Variants in RGS12 observed in about 807,000 individuals in gnomAD.
RGS12 encodes regulator of G-protein signaling 12.
RGS12 carries 66 observed loss-of-function variants against 120.1 expected under a neutral mutation model. The ratio of observed to expected loss-of-function variants is 0.55; its 90% CI spans 0.45 to 0.67. The LOEUF (loss-of-function observed/expected upper bound fraction) is 0.67, where lower values mean the gene tolerates loss of function less well. Ranked by LOEUF, RGS12 falls within the 30% of genes least tolerant of loss-of-function variation. The pLI is 0.00. For synonymous variants in RGS12, 827 were observed against 804.7 expected, an observed-to-expected ratio of 1.03 and a Z score of -0.47; for missense variants, 1,859 against 1,957.7, an observed-to-expected ratio of 0.95 and a Z score of 0.95.
intron 1 of RGS12, 103 bp from the exon 2 acceptor site, chr4:3,315,967 G>C (rs550925062): frequency 1.3e-3 from 598 of 473,400 alleles, no homozygotes; most frequent in Admixed American, 2.2e-3. Context: ...CTCTTTCTGT[G>C]GTGGTTTTTA....
At position 3,356,507 on chromosome 4, in the gene RGS12, T is replaced by C. The variant is rs1239811062; in HGVS notation, c.1998+13454T>C. Among the ~76,000 whole-genome samples the C allele has an allele frequency of 2.6e-5, 4 of 152,294 alleles. No homozygotes were observed. In the East Asian group the frequency reaches 7.7e-4, roughly 29 times the overall value. ...GAAGTTGTTTCATCTTGTTAAACTC[T>C]ATACCCCTTAAACACTAATTCCCCA... On this transcript the variant is annotated intron_variant, in intron 3 of 17. Transcript: ENST00000336727.
chr4:3,294,444 A>T (rs1373071742), intron 1 of RGS12, among the ~76,000 whole-genome samples: 1 of 151,722 alleles, frequency 6.6e-6, no homozygotes, highest in East Asian at 1.9e-4. Flanking sequence ...TTTATATTTC[A>T]CTTTAGAAAG....
chr4:3,411,742 C>A (rs1721755285), intron 4 of RGS12, among the ~76,000 whole-genome samples: 1 of 152,286 alleles, frequency 6.6e-6, no homozygotes, highest in Admixed American at 6.5e-5. Context: ...ACCTGGCTTA[C>A]ATGCAGAACG....
At chr4:3,349,141 T>C (rs922922729) in intron 3 of RGS12, among the ~76,000 whole-genome samples, 16 of 152,262 alleles carry the variant, frequency 1.1e-4, no homozygotes, top group Non-Finnish European at 1.3e-4. Flanking sequence ...TGTATTAGTG[T>C]ATTTTTAATA....
Position 3,333,827 on chromosome 4 carries a change from G to A in RGS12, c.1882-9110G>A, listed in dbSNP as rs151307769. Among the ~76,000 whole-genome samples the A allele has an allele frequency of 1.1e-4, 16 of 152,260 alleles. 1 individual carries two copies. The highest frequency in any genetic ancestry group is 3.6e-4 in the African/African-American group (15 of 41,538). On this transcript the variant is annotated intron_variant, in intron 2 of 17. Transcript: ENST00000336727. ...TCTACAACCAGTTTACAAATTCCCC[G>A]AAATGCTATTGATATTTTGTGTTTT...
intron 4 of RGS12, among the ~76,000 whole-genome samples, chr4:3,391,333 T>A (rs191110067): frequency 9.5e-4 from 145 of 152,372 alleles, no homozygotes; most frequent in African/African-American, 3.0e-3. Context: ...TCTTTCCAAT[T>A]CTACAAGATA....
At chr4:3,384,671 A>G (rs1282080342) in intron 3 of RGS12, among the ~76,000 whole-genome samples, 3 of 152,200 alleles carry the variant, frequency 2.0e-5, no homozygotes, top group Non-Finnish European at 4.4e-5. Context: ...AGGACAGTGA[A>G]GAGATGGATG....
intron 4 of RGS12, among the ~76,000 whole-genome samples, chr4:3,403,317 G>A (rs1457669852): frequency 6.6e-6 from 1 of 152,232 alleles, no homozygotes; most frequent in African/African-American, 2.4e-5. Flanking sequence ...GTAACGGGAA[G>A]TACACTATAT....
intron 17 of RGS12, among the ~76,000 whole-genome samples, chr4:3,435,489 G>A (rs74283626): frequency 6.6e-6 from 1 of 151,398 alleles, no homozygotes; most frequent in South Asian, 2.1e-4. Flanking sequence ...AAGCTGCTGA[G>A]GGCATCTGCT....
intron 9 of RGS12, chr4:3,419,214 C>G (rs1722733310): frequency 6.6e-6 from 1 of 151,916 alleles, no homozygotes; most frequent in Non-Finnish European, 1.5e-5. Context: ...GCCTGTAATC[C>G]CAGCTACTCA....
In RGS12 at chr4:3,316,791, G is replaced by A. The variant is rs770302692; in HGVS notation, c.621G>A (p.Ser207=). ...TATCAAAAGTTATTCATGATGATTC[G>A]GTTTTCAGCATTGGACTAGAAAGTC... The part of the protein sequence containing the change: ...EEISKVIHDD[S]VFSIGLESHD... The change falls in exon 2 of 18, where the codon TCG becomes TCA. Residue 207 remains serine (S), a synonymous_variant. Transcript: ENST00000336727. 5.0e-6 allele frequency: 8 copies of A among 1,614,078 alleles called. No individual in the cohort carries two copies. The highest frequency in any genetic ancestry group is 2.2e-5 in the East Asian group (1 of 44,892).
chr4:3,319,899 G>A (rs1725066380), intron 2 of RGS12, among the ~76,000 whole-genome samples: 1 of 152,256 alleles, frequency 6.6e-6, no homozygotes, highest in African/African-American at 2.4e-5. Context: ...TAGGTGGTGG[G>A]GCAGGGCCAC....
intron 4 of RGS12, among the ~76,000 whole-genome samples, chr4:3,399,043 G>A (rs1720329701): frequency 6.6e-6 from 1 of 151,960 alleles, no homozygotes; most frequent in Admixed American, 6.6e-5. Flanking sequence ...ATAATCCATG[G>A]GTCAAGGAAG....
At chr4:3,310,173 T>G (rs1225545130) in intron 1 of RGS12, among the ~76,000 whole-genome samples, 1 of 138,904 alleles carries the variant, frequency 7.2e-6, no homozygotes, top group African/African-American at 2.8e-5. Context: ...GGAACTGTGT[T>G]GAGGAGGAGC....
Position 3,414,191 on chromosome 4 carries a change from G to T in RGS12, c.2140G>T (p.Val714Leu). ...LRERRVASWA[V>L]SFERLLQDPV... The stretch of plus-strand genomic sequence containing the variant: ...TGAGAGGAGGGTCGCCAGCTGGGCC[G>T]TGTCCTTTGAGCGCCTGCTGCAGGA... The change falls in exon 5 of 18, where the codon GTG becomes TTG. Residue 714 changes from valine (V) to leucine (L), a missense_variant. Transcript: ENST00000336727. The T allele has an allele frequency of 1.3e-6, 2 of 1,551,070 alleles. No homozygotes were observed. The highest frequency in any genetic ancestry group is 1.9e-5 in the Admixed American group (1 of 52,264).
At chr4:3,328,837 AAACTACAT>A (rs1711525813) in intron 2 of RGS12, among the ~76,000 whole-genome samples, 1 of 152,156 alleles carries the variant, frequency 6.6e-6, no homozygotes, top group South Asian at 2.1e-4. Flanking sequence ...CTGGTTCTTC[AAACTACAT>A]GCGACTGTGT....
rs543289668 is a variant in RGS12 at position 3,336,720 on chromosome 4, G to A, written c.1882-6217G>A. On this transcript the variant is annotated intron_variant, in intron 2 of 17. Coordinates refer to ENST00000336727, the MANE Select transcript of RGS12 (RefSeq NM_001394154.1). Reference sequence around the variant, plus strand: ...AACGAAAGAAAAAAATACATAAATTGCATTACATCAAATGTAAAAACTCTA... The same window carrying A: ...AACGAAAGAAAAAAATACATAAATTACATTACATCAAATGTAAAAACTCTA... Among the ~76,000 whole-genome samples the A allele has an allele frequency of 7.9e-5, 12 of 152,264 alleles. 1 individual carries two copies. The East Asian group carries it at 1.9e-3, about 24-fold the overall frequency.
intron 2 of RGS12, among the ~76,000 whole-genome samples, chr4:3,333,398 A>G (rs1712092357): frequency 2.0e-5 from 3 of 152,150 alleles, no homozygotes; most frequent in Admixed American, 2.0e-4. Flanking sequence ...TTGGCCTCCC[A>G]AAGTGCCGGG....
intron 17 of RGS12, among the ~76,000 whole-genome samples, chr4:3,435,567 C>CGTCTCCCCAGAGCCCT (rs1724727322): frequency 1.3e-5 from 2 of 151,210 alleles, no homozygotes; most frequent in African/African-American, 4.9e-5. Flanking sequence ...TCCAGAGCCC[C>CGTCTCCCCAGAGCCCT]GTCTCCCCAG....
Sources: allele counts gnomAD v4.1 joint callset (sites outside exome capture counted in the v4.1 genomes callset), GRCh38; gene constraint gnomAD v4.1.1; transcripts MANE v1.5; gene names NCBI Gene and HGNC (gene_info 2026-07-23, HGNC 2026-07-21).